The following KDM1B variants were observed in gnomAD, a reference collection of about 807,000 sequenced individuals.
KDM1B encodes the protein lysine demethylase 1B.
Under a neutral mutation model 107.4 loss-of-function variants are expected in KDM1B, and 63 were observed. The ratio of observed to expected loss-of-function variants is 0.59; its 90% CI spans 0.48 to 0.72. KDM1B has a LOEUF of 0.72. Among genes scored for constraint, KDM1B ranks in the 30% least tolerant of loss-of-function variants. The pLI is 0.00. For synonymous variants in KDM1B, 363 were observed against 363.9 expected, an observed-to-expected ratio of 1.00 and a Z score of 0.03; for missense variants, 749 against 1,020.8, an observed-to-expected ratio of 0.73 and a Z score of 3.63.
chr6:18,167,884 G>A (rs1046127309), intron 6 of KDM1B, among the ~76,000 whole-genome samples: 6 of 151,818 alleles, frequency 4.0e-5, no homozygotes, highest in East Asian at 1.9e-4. Context: ...CACCTCAGCC[G>A]GCAGAGCAGC....
intron 21 of KDM1B, 107 bp from the exon 22 acceptor site, chr6:18,221,802 G>A (rs1789773293): frequency 1.1e-6 from 1 of 873,190 alleles, no homozygotes; most frequent in African/African-American, 1.7e-5. Context: ...GCACACAGGA[G>A]TGGCACAAAT....
At chr6:18,187,658 GTT>G in intron 8 of KDM1B, 132 bp from the exon 9 acceptor site, 1 of 534,646 alleles carries the variant, frequency 1.9e-6, no homozygotes. Context: ...GAATAGAATT[GTT>G]AAGTCTGAGC....
At chr6:18,183,511 CG>C (rs1786629628) in intron 7 of KDM1B, among the ~76,000 whole-genome samples, 1 of 151,866 alleles carries the variant, frequency 6.6e-6, no homozygotes, top group East Asian at 1.9e-4. Flanking sequence ...CCACCCACCT[CG>C]GCCTCCCAAA....
intron 7 of KDM1B, among the ~76,000 whole-genome samples, chr6:18,178,046 A>AT (rs559292761): frequency 3.3e-5 from 5 of 151,832 alleles, no homozygotes; most frequent in South Asian, 2.1e-4. Flanking sequence ...TAGATACTTA[A>AT]TTTTTTTTCC....
intron 20 of KDM1B, among the ~76,000 whole-genome samples, chr6:18,215,892 C>CT (rs956426482): frequency 3.9e-5 from 6 of 152,194 alleles, no homozygotes; most frequent in Admixed American, 3.3e-4. Flanking sequence ...CAGATAGTCT[C>CT]TTTTCTCCAC....
chr6:18,185,673 G>A lies in KDM1B; in HGVS notation c.535-99G>A. ...TTCATAAAAATGCTTTTCTTTGCCAGCCTGATAGGTGAAAAGAGATATCTT... is the reference window on the plus strand; with the variant it reads ...TTCATAAAAATGCTTTTCTTTGCCAACCTGATAGGTGAAAAGAGATATCTT... On this transcript the variant is annotated intron_variant, in intron 7 of 21. Coordinates refer to ENST00000650836, the MANE Select transcript of KDM1B (RefSeq NM_001364614.2). 2.8e-6 allele frequency: 3 copies of A among 1,080,964 alleles called. No homozygotes were observed. In the South Asian group the frequency reaches 3.8e-5, roughly 14 times the overall value. The allele number at this position is 1,080,964 out of a possible 1,614,324, so 67.0% of individuals were successfully genotyped here. A position where few individuals can be genotyped will look rare whatever the true frequency, so the allele number is the denominator to read the frequency against.
chr6:18,181,416 C>T (rs186217683), intron 7 of KDM1B, among the ~76,000 whole-genome samples: 4 of 152,054 alleles, frequency 2.6e-5, no homozygotes, highest in Admixed American at 2.6e-4. Flanking sequence ...ATTTCTTTAT[C>T]CCAAGAAATA....
chr6:18,158,027 A>G (rs1244888377), intron 2 of KDM1B, among the ~76,000 whole-genome samples: 1 of 151,850 alleles, frequency 6.6e-6, no homozygotes, highest in Non-Finnish European at 1.5e-5. Context: ...GTTAGCCAGG[A>G]TGGTCTCGAT....
intron 7 of KDM1B, among the ~76,000 whole-genome samples, chr6:18,178,981 G>T (rs1582119492): frequency 6.6e-6 from 1 of 152,276 alleles, no homozygotes; most frequent in East Asian, 1.9e-4. Context: ...AGACAACCTT[G>T]CCTTGTTCCT....
At chr6:18,217,256 G>C (rs1348174486) in intron 20 of KDM1B, among the ~76,000 whole-genome samples, 2 of 152,108 alleles carry the variant, frequency 1.3e-5, no homozygotes, top group African/African-American at 4.8e-5. Context: ...GGCTTGGGTA[G>C]ATTTAAAGGC....
chr6:18,192,393 T>C (rs1056591977), intron 10 of KDM1B, among the ~76,000 whole-genome samples: 4 of 152,226 alleles, frequency 2.6e-5, no homozygotes, highest in Admixed American at 2.6e-4. Context: ...AAGAAAGATA[T>C]GCCAGTTTCA....
intron 5 of KDM1B, among the ~76,000 whole-genome samples, chr6:18,163,473 A>G (rs1301047446): frequency 2.0e-5 from 3 of 151,996 alleles, no homozygotes; most frequent in African/African-American, 7.2e-5. Context: ...TGTTTGCTTT[A>G]GGTTTAATTT....
rs990952572 is a variant in KDM1B at position 18,220,544 on chromosome 6, TCAAAA to T, written c.2386-1354_2386-1350del. Among the ~76,000 whole-genome samples the T allele has an allele frequency of 9.2e-5, 14 of 152,220 alleles. No individual in the cohort carries two copies. In the East Asian group the frequency reaches 9.7e-4, roughly 11 times the overall value. ...CTGGGAGACAGAGTGAGACTCTTTT[TCAAAA>T]CAAAACAAAAGAATGACATCTAAAA... On this transcript the variant is annotated intron_variant, in intron 21 of 21. Coordinates refer to ENST00000650836, the MANE Select transcript of KDM1B (RefSeq NM_001364614.2).
rs2147370 is a variant in KDM1B, at chr6:18,162,113, G to A, written c.215+659G>A. ...AGATGGGCGGATCAGTTGAGGTCAG[G>A]AGTTCCAGACCAGCCTGGCCAACAT... On this transcript the variant is annotated intron_variant, in intron 4 of 21. Coordinates refer to ENST00000650836, the MANE Select transcript of KDM1B (RefSeq NM_001364614.2). The surrounding 1 kb of genome is among the most constrained non-coding windows in gnomAD (Gnocchi z 4.1). Among the ~76,000 whole-genome samples, 2,524 of 152,232 alleles carry A rather than the reference G, an allele frequency of 0.017. 39 individuals carry two copies. The highest frequency in any genetic ancestry group is 0.024 in the Non-Finnish European group (1,661 of 68,016).
At chr6:18,177,100 C>CT (rs1786068257) in intron 7 of KDM1B, among the ~76,000 whole-genome samples, 2 of 152,064 alleles carry the variant, frequency 1.3e-5, no homozygotes, top group South Asian at 2.1e-4. Context: ...TGGTCCTGGA[C>CT]TTTTTTTGTT....
rs1360690781 is a variant in KDM1B, at chr6:18,223,353, C to CCA, written c.*1362_*1363insAC. The stretch of plus-strand genomic sequence containing the variant: ...CCCCCACCGCCCGCCCCCCGCCCCC[C>CCA]CCAATCAAAGTGTGGTCCCAAAACA... On this transcript the variant is annotated 3_prime_UTR_variant, in exon 22 of 22. Coordinates refer to ENST00000650836, the MANE Select transcript of KDM1B (RefSeq NM_001364614.2). The CCA allele has an allele frequency of 7.3e-6, 1 of 136,832 alleles. No individual in the cohort carries two copies. Among genetic ancestry groups the CCA allele is most frequent in the African/African-American group, 2.8e-5 (1 of 35,836 alleles). 8.5% of individuals were successfully genotyped at this position (136,832 alleles called of 1,614,324 possible).
intron 5 of KDM1B, among the ~76,000 whole-genome samples, chr6:18,163,283 CTCCTGGGCTCAAAA>C (rs1288150550): frequency 6.6e-6 from 1 of 152,048 alleles, no homozygotes; most frequent in Non-Finnish European, 1.5e-5. Context: ...TGGTCTCAAA[CTCCTGGGCTCAAAA>C]GATCTGCCTG....
intron 5 of KDM1B, among the ~76,000 whole-genome samples, chr6:18,164,272 C>T (rs1345030989): frequency 7.2e-5 from 11 of 151,904 alleles, no homozygotes; most frequent in East Asian, 3.9e-4. Flanking sequence ...GGATTACAGG[C>T]GTGCACTACC....
At position 18,199,008 on chromosome 6, in the gene KDM1B, G is replaced by GAA. The variant is rs70974711; in HGVS notation, c.1221+1371_1221+1372dup. ...ACATGGCAAAACCCTGTCTCTACCA[G>GAA]AAAAAAAAAAAAAAAAAAAAAAAAA... On this transcript the variant is annotated intron_variant, in intron 12 of 21. Coordinates refer to ENST00000650836, the MANE Select transcript of KDM1B (RefSeq NM_001364614.2). 8.3e-3 allele frequency among the ~76,000 whole-genome samples: 617 copies of GAA among 74,666 alleles called. 21 individuals carry two copies. The highest frequency in any genetic ancestry group is 0.024 in the African/African-American group (559 of 22,942). 49.0% of individuals were successfully genotyped at this position (74,666 alleles called of 152,430 possible). A position where few individuals can be genotyped will look rare whatever the true frequency, so the allele number is the denominator to read the frequency against.
Sources: allele counts gnomAD v4.1 joint callset (sites outside exome capture counted in the v4.1 genomes callset), GRCh38; gene constraint gnomAD v4.1.1; non-coding constraint Gnocchi (gnomAD v3.1); transcripts MANE v1.5; gene names NCBI Gene and HGNC (gene_info 2026-07-23, HGNC 2026-07-21).